The following ZNF460 variants were observed in gnomAD, a reference collection of about 807,000 sequenced individuals.
ZNF460 encodes the protein zinc finger protein 460.
In ZNF460, 1 loss-of-function variant was observed where a neutral mutation model predicts 8.4. The ratio of observed to expected loss-of-function variants is 0.12; its 90% CI spans 0.04 to 0.56. ZNF460 has a LOEUF of 0.56. Ranked by LOEUF, ZNF460 falls within the 20% of genes least tolerant of loss-of-function variation. The pLI is 0.91. For synonymous variants in ZNF460, 262 were observed against 259.9 expected (o/e 1.01, Z -0.08); for missense variants, 477 against 714.8 (o/e 0.67, Z 3.79).
Position 57,292,042 on chromosome 19 carries a change from G to C in ZNF460, c.1501G>C (p.Glu501Gln). Residue 501 changes from glutamate (E) to glutamine (Q), a missense_variant, in exon 3 of 3, where the codon GAG becomes CAG. Transcript: ENST00000360338. ...LTRHQRIHTAEKSHEPIQSGN... is the reference protein window; with the variant it reads ...LTRHQRIHTAQKSHEPIQSGN... ...AAGGCACCAGCGGATTCACACTGCAGAGAAGTCCCACGAACCCATCCAGAG... is the reference window on the plus strand; with the variant it reads ...AAGGCACCAGCGGATTCACACTGCACAGAAGTCCCACGAACCCATCCAGAG... 1 of 1,614,236 alleles carries C rather than the reference G, an allele frequency of 6.2e-7. No homozygotes were observed. Among genetic ancestry groups the C allele is most frequent in the East Asian group, 2.2e-5 (1 of 44,886 alleles).
Position 57,290,948 on chromosome 19 carries a change from G to T in ZNF460, c.407G>T (p.Cys136Phe). 1 of 1,614,220 alleles carries T rather than the reference G, an allele frequency of 6.2e-7. No individual in the cohort carries two copies. The highest frequency in any genetic ancestry group is 8.5e-7 in the Non-Finnish European group (1 of 1,180,040). The change falls in exon 3 of 3, where the codon TGT becomes TTT. Residue 136 changes from cysteine (C) to phenylalanine (F), a missense_variant. Physicochemically the swap from Cys to Phe is radical, Grantham distance 205 (BLOSUM62 -2). This residue lies in a region of ZNF460 where 169 missense variants were observed against 178.6 expected (regional missense o/e 0.95). Coordinates refer to ENST00000360338, the MANE Select transcript of ZNF460 (RefSeq NM_006635.4). Reference sequence around the variant, plus strand: ...GGTTTGGCGACAGCTGATGGTATTTGTTCAATGATGATACAGAACCAAGTC... The same window carrying T: ...GGTTTGGCGACAGCTGATGGTATTTTTTCAATGATGATACAGAACCAAGTC... Reference protein sequence around the residue: ...HEGLATADGICSMMIQNQVSP... With the variant: ...HEGLATADGIFSMMIQNQVSP...
At position 57,280,593 on chromosome 19, in the gene ZNF460, C is replaced by G. The variant is rs925048695; in HGVS notation, c.-214C>G. ...TTCGCGTCTTGGCGGGAGCCTGACG[C>G]CCCGCTTCTCCCCTAACGAGGTGTC... On this transcript the variant is annotated 5_prime_UTR_variant, in exon 1 of 3. Transcript: ENST00000360338. 4 of 615,348 alleles carry G rather than the reference C, an allele frequency of 6.5e-6. No homozygotes were observed. The highest frequency in any genetic ancestry group is 1.1e-5 in the Non-Finnish European group (4 of 353,908). 38.1% of individuals were successfully genotyped at this position (615,348 alleles called of 1,614,324 possible).
intron 2 of ZNF460, among the ~76,000 whole-genome samples, chr19:57,286,678 C>T (rs1600025411): frequency 6.6e-6 from 1 of 152,052 alleles, no homozygotes; most frequent in South Asian, 2.1e-4. Context: ...CTAAGAAGTC[C>T]AGGCCAGGAG....
Position 57,293,839 on chromosome 19 carries a change from A to G in ZNF460, c.*1609A>G, listed in dbSNP as rs1439569811. On this transcript the variant is annotated 3_prime_UTR_variant, in exon 3 of 3. Coordinates refer to ENST00000360338, the MANE Select transcript of ZNF460 (RefSeq NM_006635.4). ...CAACCTTTTATGCTTGCATATGAGT[A>G]GAAACATGGAGTATTTCTCTTTCTG... 6.6e-6 allele frequency: 1 copy of G among 152,214 alleles called. No homozygotes were observed. The highest frequency in any genetic ancestry group is 1.5e-5 in the Non-Finnish European group (1 of 68,048). The allele number at this position is 152,214 out of a possible 1,614,324, so 9.4% of individuals were successfully genotyped here. A position where few individuals can be genotyped will look rare whatever the true frequency, so the allele number is the denominator to read the frequency against.
At chr19:57,288,947 C>G (rs977730171) in intron 2 of ZNF460, among the ~76,000 whole-genome samples, 1 of 149,504 alleles carries the variant, frequency 6.7e-6, no homozygotes, top group South Asian at 2.1e-4. Flanking sequence ...AGGCTGGTCT[C>G]GAACTCCTGG....
Position 57,290,743 on chromosome 19 carries a change from C to A in ZNF460, c.202C>A (p.Leu68Met). Reference protein sequence around the residue: ...PETVEPIPSHLALPEEVSLQE... With the variant: ...PETVEPIPSHMALPEEVSLQE... ...GACCGTAGAGCCTATCCCTTCTCAT[C>A]TGGCCTTGCCTGAGGAAGTCTCACT... The change falls in exon 3 of 3, where the codon CTG becomes ATG. Residue 68 changes from leucine (L) to methionine (M), a missense_variant. By Grantham distance (15) the Leu-to-Met change is conservative (BLOSUM62 2). Transcript: ENST00000360338. 6.2e-7 allele frequency: 1 copy of A among 1,614,222 alleles called. No individual in the cohort carries two copies. Among genetic ancestry groups the A allele is most frequent in the South Asian group, 1.1e-5 (1 of 91,086 alleles).
rs899028651 is a variant in ZNF460 at position 57,293,427 on chromosome 19, C to T, written c.*1197C>T. 2 of 152,042 alleles carry T rather than the reference C, an allele frequency of 1.3e-5. No individual in the cohort carries two copies. The highest frequency in any genetic ancestry group is 4.8e-5 in the African/African-American group (2 of 41,390). The allele number at this position is 152,042 out of a possible 1,614,324, so 9.4% of individuals were successfully genotyped here. A position where few individuals can be genotyped will look rare whatever the true frequency, so the allele number is the denominator to read the frequency against. The stretch of plus-strand genomic sequence containing the variant: ...GTTGTCACCATGGATTGAGTCCAGT[C>T]GTAGTAATTAATATGTTTAATCAGA... On this transcript the variant is annotated 3_prime_UTR_variant, in exon 3 of 3. Coordinates refer to ENST00000360338, the MANE Select transcript of ZNF460 (RefSeq NM_006635.4).
chr19:57,293,707 A>T lies in ZNF460; in HGVS notation c.*1477A>T, dbSNP rs1600031806. Reference sequence around the variant, plus strand: ...TACTCATTCTGCAGTGCCACAGAACACTACAACTTATTCAAATGGAATCTT... The same window carrying T: ...TACTCATTCTGCAGTGCCACAGAACTCTACAACTTATTCAAATGGAATCTT... On this transcript the variant is annotated 3_prime_UTR_variant, in exon 3 of 3. Coordinates refer to ENST00000360338, the MANE Select transcript of ZNF460 (RefSeq NM_006635.4). 6.6e-6 allele frequency: 1 copy of T among 152,236 alleles called. No individual in the cohort carries two copies. Among genetic ancestry groups the T allele is most frequent in the African/African-American group, 2.4e-5 (1 of 41,460 alleles). The allele number at this position is 152,236 out of a possible 1,614,324, so 9.4% of individuals were successfully genotyped here.
chr19:57,282,062 A>G (rs1186341176), intron 1 of ZNF460: 1 of 152,180 alleles, frequency 6.6e-6, no homozygotes, highest in African/African-American at 2.4e-5. Context: ...CCTTTGCAAG[A>G]TGAGGCCTCC....
intron 2 of ZNF460, among the ~76,000 whole-genome samples, chr19:57,287,825 C>G (rs2087890045): frequency 6.6e-6 from 1 of 152,114 alleles, no homozygotes; most frequent in African/African-American, 2.4e-5. Context: ...CCCATTTCTA[C>G]TAAAAATTTA....
intron 2 of ZNF460, among the ~76,000 whole-genome samples, chr19:57,286,962 C>CAA (rs35363381): frequency 1.9e-4 from 19 of 102,228 alleles, no homozygotes; most frequent in South Asian, 3.5e-4. Flanking sequence ...GACTCTGTCT[C>CAA]AAAAAAAAAA....
Position 57,280,845 on chromosome 19 carries a change from A to G in ZNF460, c.30+9A>G, listed in dbSNP as rs747420075. ...GGATGGCTCCGGCGCAGGTGAGTGGACGAGGTTTCGGCCTTGCTGCTGCTG... is the reference window on the plus strand; with the variant it reads ...GGATGGCTCCGGCGCAGGTGAGTGGGCGAGGTTTCGGCCTTGCTGCTGCTG... On this transcript the variant is annotated intron_variant, in intron 1 of 2. Coordinates refer to ENST00000360338, the MANE Select transcript of ZNF460 (RefSeq NM_006635.4). 16 of 1,613,996 alleles carry G rather than the reference A, an allele frequency of 9.9e-6. No homozygotes were observed. The East Asian group carries it at 3.6e-4, about 36-fold the overall frequency.
At position 57,291,763 on chromosome 19, in the gene ZNF460, A is replaced by G; in HGVS notation, c.1222A>G (p.Ile408Val). The change falls in exon 3 of 3, where the codon ATT (isoleucine) becomes GTT (valine). Residue 408 changes from isoleucine (I) to valine (V), a missense_variant. By Grantham distance (29) the Ile-to-Val change is conservative. This residue lies in a region of ZNF460 where 193 missense variants were observed against 391.7 expected (regional missense o/e 0.49). Coordinates refer to ENST00000360338, the MANE Select transcript of ZNF460 (RefSeq NM_006635.4). This position sits in a 1 kb window ranked among gnomAD's most constrained non-coding sequence, Gnocchi z 8.4. Reference protein sequence around the residue: ...GKAFSIRKDLIRHFNIHTGEK... With the variant: ...GKAFSIRKDLVRHFNIHTGEK... Reference sequence around the variant, plus strand: ...AGCCTTTAGCATTCGAAAAGACCTCATTCGACACTTCAACATCCACACTGG... The same window carrying G: ...AGCCTTTAGCATTCGAAAAGACCTCGTTCGACACTTCAACATCCACACTGG... 3 of 1,614,184 alleles carry G rather than the reference A, an allele frequency of 1.9e-6. No individual in the cohort carries two copies. Among genetic ancestry groups the G allele is most frequent in the Non-Finnish European group, 2.5e-6 (3 of 1,180,028 alleles).
chr19:57,290,804 C>T lies in ZNF460; in HGVS notation c.263C>T (p.Ser88Phe), dbSNP rs1317378694. ...EQLAQGVPRYSYLGQAMDQDG... is the reference protein window; with the variant it reads ...EQLAQGVPRYFYLGQAMDQDG... Reference sequence around the variant, plus strand: ...CTGGCACAGGGAGTCCCAAGATACTCCTATTTGGGGCAGGCCATGGATCAA... The same window carrying T: ...CTGGCACAGGGAGTCCCAAGATACTTCTATTTGGGGCAGGCCATGGATCAA... The change falls in exon 3 of 3, where the codon TCC (serine) becomes TTC (phenylalanine). Residue 88 changes from serine to phenylalanine, a missense_variant. This residue lies in a region of ZNF460 where 169 missense variants were observed against 178.6 expected (regional missense o/e 0.95). Transcript: ENST00000360338. The T allele has an allele frequency of 1.2e-6, 2 of 1,614,154 alleles. No homozygotes were observed. Among genetic ancestry groups the T allele is most frequent in the Non-Finnish European group, 8.5e-7 (1 of 1,180,036 alleles).
chr19:57,285,103 A>G (rs1302780983), intron 2 of ZNF460, among the ~76,000 whole-genome samples: 1 of 152,160 alleles, frequency 6.6e-6, no homozygotes, highest in African/African-American at 2.4e-5. Flanking sequence ...GGCATGAGCT[A>G]CCACGCCCAG....
At chr19:57,281,522 G>A (rs1460969655) in intron 1 of ZNF460, among the ~76,000 whole-genome samples, 1 of 144,554 alleles carries the variant, frequency 6.9e-6, no homozygotes, top group Non-Finnish European at 1.5e-5. Context: ...TGATCGGTGA[G>A]TATTATTTAA....
intron 2 of ZNF460, among the ~76,000 whole-genome samples, chr19:57,289,188 T>G (rs1382047431): frequency 6.6e-6 from 1 of 152,216 alleles, no homozygotes; most frequent in Non-Finnish European, 1.5e-5. Context: ...CCTTTTCGCC[T>G]ACCTTTCACC....
At position 57,280,546 on chromosome 19, in the gene ZNF460, A is replaced by G. The variant is rs2087829471; in HGVS notation, c.-261A>G. 3.6e-6 allele frequency: 2 copies of G among 555,790 alleles called. No individual in the cohort carries two copies. Among genetic ancestry groups the G allele is most frequent in the Non-Finnish European group, 3.2e-6 (1 of 310,210 alleles). The allele number at this position is 555,790 out of a possible 1,614,324, so 34.4% of individuals were successfully genotyped here. On this transcript the variant is annotated 5_prime_UTR_variant, in exon 1 of 3. Transcript: ENST00000360338. ...TTCTGCGGCCTGAGCAGGGACGGGT[A>G]GTGAAGCGGTTACGCCCCTTCTTCG...
rs541952302 is a variant in ZNF460 at position 57,293,106 on chromosome 19, T to C, written c.*876T>C. ...TGATATTGTAGCTGTTTGTACATAA[T>C]GTAATCCAGGGAGTCCTAATTCTTC... On this transcript the variant is annotated 3_prime_UTR_variant, in exon 3 of 3. Coordinates refer to ENST00000360338, the MANE Select transcript of ZNF460 (RefSeq NM_006635.4). The C allele has an allele frequency of 6.6e-6, 1 of 152,356 alleles. No homozygotes were observed. Among genetic ancestry groups the C allele is most frequent in the East Asian group, 1.9e-4 (1 of 5,192 alleles). 9.4% of individuals were successfully genotyped at this position (152,356 alleles called of 1,614,324 possible).
Sources: allele counts gnomAD v4.1 joint callset (sites outside exome capture counted in the v4.1 genomes callset), GRCh38; gene constraint gnomAD v4.1.1; regional missense constraint gnomAD v4.1.1; non-coding constraint Gnocchi (gnomAD v3.1); transcripts MANE v1.5; gene names NCBI Gene and HGNC (gene_info 2026-07-23, HGNC 2026-07-21).